The following RBBP6 variants were observed in gnomAD, a reference collection of about 807,000 sequenced individuals.
The protein encoded by RBBP6 is RB binding protein 6, ubiquitin ligase.
In RBBP6, 25 loss-of-function variants were observed where a neutral mutation model predicts 167.7. The observed-to-expected ratio is 0.15, with a 90% CI of 0.11 to 0.21. RBBP6 has a LOEUF of 0.21. Ranked by LOEUF, RBBP6 falls within the 10% of genes least tolerant of loss-of-function variation. The pLI, the probability that RBBP6 is intolerant of heterozygous loss-of-function variation, is 1.00. For missense variants in RBBP6, 1,868 were observed against 2,134.2 expected (o/e 0.88, Z 2.46); for synonymous variants, 789 against 735.8 (o/e 1.07, Z -1.17).
chr16:24,570,876 T>C lies in RBBP6; in HGVS notation c.3810T>C (p.Ser1270=). The part of the protein sequence containing the change: ...GSSSTLVDYT[S]TSSTGGSPVR... ...AAAAATATTTTGTTATTCTTTTTAGTACGAGCTCAACTGGAGGCAGTCCTG... is the reference window on the plus strand; with the variant it reads ...AAAAATATTTTGTTATTCTTTTTAGCACGAGCTCAACTGGAGGCAGTCCTG... The change falls in exon 18 of 18, where the codon AGT becomes AGC. Residue 1270 remains serine, a splice_region_variant and synonymous_variant. Coordinates refer to ENST00000319715, the MANE Select transcript of RBBP6 (RefSeq NM_006910.5). 1 of 1,473,502 alleles carries C rather than the reference T, an allele frequency of 6.8e-7. No individual in the cohort carries two copies. The highest frequency in any genetic ancestry group is 9.0e-7 in the Non-Finnish European group (1 of 1,105,748). 91.3% of individuals were successfully genotyped at this position (1,473,502 alleles called of 1,614,324 possible). A position where few individuals can be genotyped will look rare whatever the true frequency, so the allele number is the denominator to read the frequency against.
Position 24,570,417 on chromosome 16 carries a change from A to G in RBBP6, c.3727A>G (p.Lys1243Glu). Residue 1243 changes from lysine to glutamate, a missense_variant, in exon 17 of 18, where the codon AAA becomes GAA. By Grantham distance (56) the Lys-to-Glu change is moderately conservative. This residue lies in a region of RBBP6 where 673 missense variants were observed against 691.5 expected (regional missense o/e 0.97). Transcript: ENST00000319715. Reference sequence around the variant, plus strand: ...ATTGGAGTCAACATCTAGCAAAGTTAAACAAGAAAAAGTCAAAGGAAAGGT... The same window carrying G: ...ATTGGAGTCAACATCTAGCAAAGTTGAACAAGAAAAAGTCAAAGGAAAGGT... ...EKLESTSSKVKQEKVKGKVRR... is the reference protein window; with the variant it reads ...EKLESTSSKVEQEKVKGKVRR... The G allele has an allele frequency of 6.2e-7, 1 of 1,610,380 alleles. No homozygotes were observed. Among genetic ancestry groups the G allele is most frequent in the Admixed American group, 1.7e-5 (1 of 58,956 alleles).
At chr16:24,551,212 CAA>C (rs1265423348) in intron 3 of RBBP6, among the ~76,000 whole-genome samples, 1 of 151,818 alleles carries the variant, frequency 6.6e-6, no homozygotes, top group African/African-American at 2.4e-5. Flanking sequence ...CTTCCCAAAA[CAA>C]GACCCCTAAT....
intron 17 of RBBP6, 89 bp downstream of exon 17, chr16:24,570,588 A>T: frequency 3.4e-6 from 4 of 1,178,846 alleles, no homozygotes; most frequent in Non-Finnish European, 4.6e-6. Context: ...TATATTAATT[A>T]TGAATGCTGA....
intron 17 of RBBP6, 126 bp from the exon 18 acceptor site, chr16:24,570,750 A>G: frequency 1.1e-6 from 1 of 902,074 alleles, no homozygotes; most frequent in Non-Finnish European, 1.5e-6. Flanking sequence ...AGGGCAGAAT[A>G]AGTTTTTTGT....
chr16:24,561,572 C>A (rs1899056874), intron 8 of RBBP6, 40 bp from the exon 9 acceptor site: 1 of 1,513,668 alleles, frequency 6.6e-7, no homozygotes, highest in East Asian at 2.3e-5. Flanking sequence ...ACTTTGAGTT[C>A]CTACTATGCT....
Position 24,546,244 on chromosome 16 carries a change from C to T in RBBP6, c.248C>T (p.Thr83Ile), listed in dbSNP as rs769785198. The change falls in exon 2 of 18, where the codon ACA becomes ATA. Residue 83 changes from threonine (T) to isoleucine (I), a missense_variant. Thr to Ile is a moderately conservative substitution (Grantham distance 89, BLOSUM62 -1). Coordinates refer to ENST00000319715, the MANE Select transcript of RBBP6 (RefSeq NM_006910.5). ...ATTCCTATTGGAGGTGTTAAATCTA[C>T]AAGCAAGACATATGTTATGTAAGTA... The part of the protein sequence containing the change: ...RRIPIGGVKS[T>I]SKTYVISRTE... 7.6e-6 allele frequency: 12 copies of T among 1,587,314 alleles called. No homozygotes were observed. Among genetic ancestry groups the T allele is most frequent in the Admixed American group, 1.9e-5 (1 of 53,914 alleles).
chr16:24,557,481 T>C (rs1898941456), intron 7 of RBBP6, among the ~76,000 whole-genome samples: 1 of 152,212 alleles, frequency 6.6e-6, no homozygotes, highest in African/African-American at 2.4e-5. Context: ...ATATTAAGTG[T>C]TCTTTGGACT....
At position 24,570,439 on chromosome 16, in the gene RBBP6, A is replaced by G. The variant is rs572591990; in HGVS notation, c.3749A>G (p.Lys1250Arg). 4 of 1,605,602 alleles carry G rather than the reference A, an allele frequency of 2.5e-6. No individual in the cohort carries two copies. The highest frequency in any genetic ancestry group is 2.2e-5 in the East Asian group (1 of 44,848). ...GTTAAACAAGAAAAAGTCAAAGGAA[A>G]GGTCAGACGAAAAGTGACTGGAACT... ...SKVKQEKVKG[K>R]VRRKVTGTEG... Residue 1250 changes from lysine (K) to arginine (R), a missense_variant, in exon 17 of 18, where the codon AAG becomes AGG. By Grantham distance (26) the Lys-to-Arg change is conservative (BLOSUM62 2). Coordinates refer to ENST00000319715, the MANE Select transcript of RBBP6 (RefSeq NM_006910.5).
intron 4 of RBBP6, 30 bp downstream of exon 4, chr16:24,553,587 T>A (rs887162132): frequency 6.6e-7 from 1 of 1,505,002 alleles, no homozygotes; most frequent in Non-Finnish European, 9.0e-7. Context: ...CTTGAAAATA[T>A]AAGTTTTTTT....
At position 24,540,673 on chromosome 16, in the gene RBBP6, C is replaced by A; in HGVS notation, c.47C>A (p.Thr16Asn). ...TTTTCCTCTAAACTCAACTATGATACCGTCACCTTTGATGGGCTCCACATC... is the reference window on the plus strand; with the variant it reads ...TTTTCCTCTAAACTCAACTATGATAACGTCACCTTTGATGGGCTCCACATC... ...YKFSSKLNYD[T>N]VTFDGLHISL... Residue 16 changes from threonine to asparagine, a missense_variant, in exon 1 of 18, where the codon ACC (threonine) becomes AAC (asparagine). Coordinates refer to ENST00000319715, the MANE Select transcript of RBBP6 (RefSeq NM_006910.5). 3 of 1,614,136 alleles carry A rather than the reference C, an allele frequency of 1.9e-6. No homozygotes were observed. The highest frequency in any genetic ancestry group is 2.2e-5 in the South Asian group (2 of 91,082).
intron 1 of RBBP6, among the ~76,000 whole-genome samples, chr16:24,545,293 T>C (rs1898615122): frequency 6.6e-6 from 1 of 152,072 alleles, no homozygotes; most frequent in South Asian, 2.1e-4. Flanking sequence ...AGGATGGTCT[T>C]AATCTCCTGA....
Position 24,546,149 on chromosome 16 carries a change from CT to C in RBBP6, c.167-9del. On this transcript the variant is annotated splice_polypyrimidine_tract_variant and intron_variant, in intron 1 of 17. Transcript: ENST00000319715. ...TCCCCAAATGGAAATTCAATTCTGTCTTTTTATTTACAGAATATACTGATGA... is the reference window on the plus strand; with the variant it reads ...TCCCCAAATGGAAATTCAATTCTGTCTTTTATTTACAGAATATACTGATGA... 1 of 1,561,040 alleles carries C rather than the reference CT, an allele frequency of 6.4e-7. No individual in the cohort carries two copies.
At chr16:24,542,338 G>GAT (rs1898521297) in intron 1 of RBBP6, among the ~76,000 whole-genome samples, 1 of 152,100 alleles carries the variant, frequency 6.6e-6, no homozygotes, top group Admixed American at 6.5e-5. Flanking sequence ...GGAATTAAAG[G>GAT]ATATTAAGGC....
At position 24,570,857 on chromosome 16, in the gene RBBP6, ATT is replaced by A. The variant is rs2141479627; in HGVS notation, c.3810-16_3810-15del. On this transcript the variant is annotated splice_polypyrimidine_tract_variant and intron_variant, in intron 17 of 17. Coordinates refer to ENST00000319715, the MANE Select transcript of RBBP6 (RefSeq NM_006910.5). ...AGTAAATTCTTCATTAATTAAAAAT[ATT>A]TTGTTATTCTTTTTAGTACGAGCTC... 1 of 1,411,606 alleles carries A rather than the reference ATT, an allele frequency of 7.1e-7. No individual in the cohort carries two copies. Among genetic ancestry groups the A allele is most frequent in the Admixed American group, 2.6e-5 (1 of 38,648 alleles). 87.4% of individuals were successfully genotyped at this position (1,411,606 alleles called of 1,614,324 possible). A position where few individuals can be genotyped will look rare whatever the true frequency, so the allele number is the denominator to read the frequency against.
In RBBP6 at chr16:24,569,546, GTTA is replaced by G. The variant is rs1485238274; in HGVS notation, c.2860_2862del (p.Leu954del). 6.2e-7 allele frequency: 1 copy of G among 1,612,130 alleles called. No homozygotes were observed. The highest frequency in any genetic ancestry group is 8.5e-7 in the Non-Finnish European group (1 of 1,179,564). The stretch of plus-strand genomic sequence containing the variant: ...AAAGTGAGGGTTTTCTGAACCCAGA[GTTA>G]TTAGAGACTTCTAGGAAATCAAGAG... On this transcript the variant is annotated inframe_deletion, in exon 17 of 18. Coordinates refer to ENST00000319715, the MANE Select transcript of RBBP6 (RefSeq NM_006910.5).
chr16:24,569,196 G>C lies in RBBP6; in HGVS notation c.2506G>C (p.Glu836Gln). 1.2e-6 allele frequency: 2 copies of C among 1,613,800 alleles called. No homozygotes were observed. Among genetic ancestry groups the C allele is most frequent in the Non-Finnish European group, 1.7e-6 (2 of 1,179,910 alleles). The change falls in exon 17 of 18, where the codon GAG becomes CAG. Residue 836 changes from glutamate to glutamine, a missense_variant. This residue lies in a region of RBBP6 where 673 missense variants were observed against 691.5 expected (regional missense o/e 0.97). Coordinates refer to ENST00000319715, the MANE Select transcript of RBBP6 (RefSeq NM_006910.5). Reference sequence around the variant, plus strand: ...CCGAGAATGGGAGAGAAAATATAGAGAGTGGTATGAAAAATATTATAAAGG... The same window carrying C: ...CCGAGAATGGGAGAGAAAATATAGACAGTGGTATGAAAAATATTATAAAGG... ...RYREWERKYR[E>Q]WYEKYYKGYA...
Position 24,556,414 on chromosome 16 carries a change from A to G in RBBP6, c.641A>G (p.Asn214Ser). ...DPNMKGAMLT[N>S]TGKYAIPTID... is the part of the protein sequence containing the mutation. Reference sequence around the variant, plus strand: ...AATATGAAAGGTGCAATGCTTACCAACACTGGAAAATATGCAATACCAACT... The same window carrying G: ...AATATGAAAGGTGCAATGCTTACCAGCACTGGAAAATATGCAATACCAACT... Residue 214 changes from asparagine to serine, a missense_variant, in exon 7 of 18, where the codon AAC becomes AGC. By Grantham distance (46) the Asn-to-Ser change is conservative. Coordinates refer to ENST00000319715, the MANE Select transcript of RBBP6 (RefSeq NM_006910.5). 1.2e-6 allele frequency: 2 copies of G among 1,611,790 alleles called. No individual in the cohort carries two copies. The highest frequency in any genetic ancestry group is 8.5e-7 in the Non-Finnish European group (1 of 1,178,132).
intron 4 of RBBP6, 142 bp downstream of exon 4, chr16:24,553,699 T>G: frequency 4.1e-6 from 2 of 483,420 alleles, no homozygotes; most frequent in Non-Finnish European, 7.1e-6. Flanking sequence ...CTGTAAAGAG[T>G]AGTTGCTGTT....
In RBBP6 at chr16:24,571,414, G is replaced by T. The variant is rs754172704; in HGVS notation, c.4348G>T (p.Ala1450Ser). 10 of 1,613,578 alleles carry T rather than the reference G, an allele frequency of 6.2e-6. No individual in the cohort carries two copies. The East Asian group carries it at 2.0e-4, about 32-fold the overall frequency. Residue 1450 changes from alanine to serine, a missense_variant, in exon 18 of 18, where the codon GCT becomes TCT. Physicochemically the swap from Ala to Ser is moderately conservative, Grantham distance 99. Transcript: ENST00000319715. Reference protein sequence around the residue: ...FKSLSQSSKEARTSDKHDSTR... With the variant: ...FKSLSQSSKESRTSDKHDSTR... The stretch of plus-strand genomic sequence containing the variant: ...AAGTCTGTCTCAATCTTCCAAAGAG[G>T]CTAGAACGTCAGATAAACATGATTC...
Sources: gnomAD v4.1 joint callset for allele counts (sites outside exome capture counted in the v4.1 genomes callset) on GRCh38, gnomAD v4.1.1 for gene constraint, gnomAD v4.1.1 regional missense constraint, MANE v1.5 for transcripts, NCBI Gene and HGNC (gene_info 2026-07-23, HGNC 2026-07-21) for gene names.